The following CALN1 variants were observed in gnomAD, a reference collection of about 807,000 sequenced individuals.
The protein encoded by CALN1 is calneuron 1.
Under a neutral mutation model 30.6 loss-of-function variants are expected in CALN1, and 17 were observed. The ratio of observed to expected loss-of-function variants is 0.56; its 90% CI spans 0.38 to 0.83. CALN1 has a LOEUF of 0.83. CALN1 is among the 40% of genes least tolerant of loss of function. CALN1 has a pLI of 0.00. For missense variants in CALN1, 291 were observed against 354.9 expected, an observed-to-expected ratio of 0.82 and a Z score of 1.45; for synonymous variants, 156 against 131.4, an observed-to-expected ratio of 1.19 and a Z score of -1.28.
At position 72,355,922 on chromosome 7, in the gene CALN1, A is replaced by G. The variant is rs1803192313; in HGVS notation, c.119+47329T>C. On this transcript the variant is annotated intron_variant, in intron 2 of 6. Coordinates refer to ENST00000395275, the MANE Select transcript of CALN1 (RefSeq NM_031468.4). Reference sequence around the variant, plus strand: ...ATTTTAAATGGGTGCATTTTATTATATGTAAATTATCCTCAATAAAGTTGA... The same window carrying G: ...ATTTTAAATGGGTGCATTTTATTATGTGTAAATTATCCTCAATAAAGTTGA... 5.3e-5 allele frequency among the ~76,000 whole-genome samples: 8 copies of G among 152,228 alleles called. No homozygotes were observed. In the South Asian group the frequency reaches 1.7e-3, roughly 32 times the overall value.
intron 3 of CALN1, among the ~76,000 whole-genome samples, chr7:72,192,890 A>C (rs1490089397): frequency 6.9e-6 from 1 of 144,800 alleles, no homozygotes; most frequent in South Asian, 2.2e-4. Flanking sequence ...CAAAAACTTT[A>C]AAAAAATTTT....
chr7:72,271,575 A>AAAAAAATATATATAT lies in CALN1; in HGVS notation c.244+7110_244+7111insATATATATATTTTTT. On this transcript the variant is annotated intron_variant, in intron 3 of 6. Coordinates refer to ENST00000395275, the MANE Select transcript of CALN1 (RefSeq NM_031468.4). ...CTGTGCCTGCCTTTTAAAAAAAAAA[A>AAAAAAATATATATAT]ATATATATATATATATATAGTTTTC... 4.2e-4 allele frequency among the ~76,000 whole-genome samples: 22 copies of AAAAAAATATATATAT among 52,104 alleles called. 1 individual carries two copies. Among genetic ancestry groups the AAAAAAATATATATAT allele is most frequent in the African/African-American group, 1.3e-3 (10 of 7,446 alleles). 34.2% of individuals were successfully genotyped at this position (52,104 alleles called of 152,430 possible).
chr7:72,412,369 C>T (rs544583553), upstream of CALN1: 13 of 152,312 alleles, frequency 8.5e-5, no homozygotes, highest in African/African-American at 2.4e-4. Flanking sequence ...AGCTTTTATT[C>T]TCTTATTCAG....
intron 3 of CALN1, among the ~76,000 whole-genome samples, chr7:72,191,171 G>C (rs989244708): frequency 1.3e-5 from 2 of 152,146 alleles, no homozygotes; most frequent in Non-Finnish European, 2.9e-5. Context: ...GAGCAGGCTG[G>C]GAAGACAAGA....
At chr7:71,930,104 G>C (rs951763808) in intron 5 of CALN1, among the ~76,000 whole-genome samples, 10 of 152,102 alleles carry the variant, frequency 6.6e-5, no homozygotes, top group Admixed American at 1.3e-4. Context: ...TATGGTTTAG[G>C]GAATAGTGAC....
chr7:72,232,563 C>T (rs897510002), intron 3 of CALN1, among the ~76,000 whole-genome samples: 15 of 152,162 alleles, frequency 9.9e-5, no homozygotes, highest in Admixed American at 9.8e-4. Context: ...CAGGTACAAG[C>T]GATTCTCCTG....
intron 3 of CALN1, among the ~76,000 whole-genome samples, chr7:72,163,408 A>C (rs1171577654): frequency 6.7e-6 from 1 of 150,214 alleles, no homozygotes; most frequent in Non-Finnish European, 1.5e-5. Flanking sequence ...AAAAAAAAAA[A>C]AACAGAAAAA....
intron 5 of CALN1, among the ~76,000 whole-genome samples, chr7:71,889,843 T>C (rs1417443643): frequency 2.0e-5 from 3 of 151,960 alleles, no homozygotes; most frequent in Non-Finnish European, 4.4e-5. Context: ...TAATCCTAGC[T>C]CTGTAATCCT....
At chr7:72,075,105 G>T (rs1266191923) in intron 4 of CALN1, among the ~76,000 whole-genome samples, 1 of 152,204 alleles carries the variant, frequency 6.6e-6, no homozygotes, top group Non-Finnish European at 1.5e-5. Flanking sequence ...GTCAAGAAAA[G>T]ACTGAGGTCC....
chr7:72,213,245 C>T (rs1434117336), intron 3 of CALN1, among the ~76,000 whole-genome samples: 5 of 152,156 alleles, frequency 3.3e-5, no homozygotes, highest in South Asian at 4.2e-4. Flanking sequence ...GCAAGTTGTC[C>T]GGGACAGTCC....
intron 5 of CALN1, among the ~76,000 whole-genome samples, chr7:72,019,406 C>G (rs1468168971): frequency 6.6e-6 from 1 of 152,168 alleles, no homozygotes; most frequent in Non-Finnish European, 1.5e-5. Flanking sequence ...GGAGGCTGTT[C>G]TCTCCCACAC....
At chr7:72,114,622 G>T (rs142928557) in intron 3 of CALN1, among the ~76,000 whole-genome samples, 6 of 152,138 alleles carry the variant, frequency 3.9e-5, no homozygotes, top group African/African-American at 1.2e-4. Context: ...TGCAAATAAT[G>T]ATCAACTGAC....
At chr7:72,088,208 C>T (rs73371704) in intron 4 of CALN1, among the ~76,000 whole-genome samples, 2,053 of 152,112 alleles carry the variant, frequency 0.013, 57 homozygotes, top group African/African-American at 0.045. Flanking sequence ...GGAACCACAA[C>T]AACAACATAA....
intron 4 of CALN1, among the ~76,000 whole-genome samples, chr7:72,032,721 G>T (rs142712381): frequency 0.013 from 2,010 of 152,226 alleles, 20 homozygotes; most frequent in Non-Finnish European, 0.017. Flanking sequence ...TCCTTAAATC[G>T]CCTCTTTGTC....
At chr7:72,433,046 C>T (rs553206476) in intron 1 of CALN1, among the ~76,000 whole-genome samples, 10 of 152,230 alleles carry the variant, frequency 6.6e-5, no homozygotes, top group South Asian at 4.1e-4. Context: ...TAGGCTCAAG[C>T]GCAGAAAAGG....
chr7:72,230,106 A>C (rs921806264), intron 3 of CALN1, among the ~76,000 whole-genome samples: 1 of 152,006 alleles, frequency 6.6e-6, no homozygotes, highest in South Asian at 2.1e-4. Flanking sequence ...GCACCACTGC[A>C]CTCCAGCCTG....
intron 5 of CALN1, among the ~76,000 whole-genome samples, chr7:72,010,512 C>T (rs1193367298): frequency 6.6e-6 from 1 of 152,036 alleles, no homozygotes; most frequent in African/African-American, 2.4e-5. Flanking sequence ...GGGTTAGAAA[C>T]ATTTAATGAA....
chr7:71,869,070 A>G (rs1158207718), intron 5 of CALN1, among the ~76,000 whole-genome samples: 1 of 152,182 alleles, frequency 6.6e-6, no homozygotes, highest in Non-Finnish European at 1.5e-5. Flanking sequence ...GTGAGTCACT[A>G]CCACAATGGG....
intron 2 of CALN1, among the ~76,000 whole-genome samples, chr7:72,379,603 G>A (rs886430628): frequency 3.3e-5 from 5 of 152,186 alleles, no homozygotes; most frequent in African/African-American, 1.2e-4. Flanking sequence ...TCATGACCCA[G>A]GTCAAATTTC....
Sources: allele counts gnomAD v4.1 joint callset (sites outside exome capture counted in the v4.1 genomes callset), GRCh38; gene constraint gnomAD v4.1.1; transcripts MANE v1.5; gene names NCBI Gene and HGNC (gene_info 2026-07-23, HGNC 2026-07-21).